Variants in DCC observed in about 807,000 individuals in gnomAD.
The protein encoded by DCC is netrin receptor DCC.
A neutral mutation model predicts 172.5 loss-of-function variants in DCC; 58 were observed. The ratio of observed to expected loss-of-function variants is 0.34; its 90% CI spans 0.27 to 0.42. The LOEUF (loss-of-function observed/expected upper bound fraction) is 0.42. Among genes scored for constraint, DCC ranks in the 10% least tolerant of loss-of-function variants. The pLI is 1.00. For missense variants in DCC, 1,740 were observed against 1,791.0 expected (o/e 0.97, Z 0.51); for synonymous variants, 709 against 644.5 (o/e 1.10, Z -1.52).
intron 27 of DCC, among the ~76,000 whole-genome samples, chr18:53,500,483 C>G (rs1054982405): frequency 6.6e-6 from 1 of 151,850 alleles, no homozygotes; most frequent in Non-Finnish European, 1.5e-5. Context: ...TTACTCAGAC[C>G]TACAATAATT....
chr18:52,775,232 T>A (rs1383635323), intron 2 of DCC, among the ~76,000 whole-genome samples: 2 of 151,546 alleles, frequency 1.3e-5, no homozygotes, highest in African/African-American at 4.9e-5. Flanking sequence ...TGCTCATGCT[T>A]CTAGGGGAGC....
intron 1 of DCC, among the ~76,000 whole-genome samples, chr18:52,428,094 C>A (rs1233354399): frequency 1.3e-5 from 2 of 151,972 alleles, no homozygotes; most frequent in Non-Finnish European, 2.9e-5. Context: ...TTTAAAAAAT[C>A]TTCTTGCATT....
intron 8 of DCC, among the ~76,000 whole-genome samples, chr18:53,167,621 G>A (rs1373398911): frequency 1.3e-5 from 2 of 152,056 alleles, no homozygotes; most frequent in Non-Finnish European, 2.9e-5. Context: ...AAAAAATTAT[G>A]AGCCCCAGCA....
At chr18:53,454,861 A>G (rs988426457) in intron 23 of DCC, among the ~76,000 whole-genome samples, 4 of 152,202 alleles carry the variant, frequency 2.6e-5, no homozygotes, top group African/African-American at 9.7e-5. Context: ...GATTTGAACT[A>G]TCAGCTACCT....
intron 5 of DCC, among the ~76,000 whole-genome samples, chr18:53,007,972 A>G (rs67902411): frequency 0.024 from 3,705 of 152,212 alleles, 65 homozygotes; most frequent in Admixed American, 0.039. Context: ...TTAAATAATC[A>G]CTTAAGCCAA....
intron 1 of DCC, among the ~76,000 whole-genome samples, chr18:52,489,178 C>T (rs2030374378): frequency 6.6e-6 from 1 of 152,010 alleles, no homozygotes. Flanking sequence ...GGAAGAGAAC[C>T]TGCATGTAAA....
intron 1 of DCC, among the ~76,000 whole-genome samples, chr18:52,667,576 A>G (rs2035478056): frequency 6.6e-6 from 1 of 152,188 alleles, no homozygotes; most frequent in African/African-American, 2.4e-5. Context: ...TTCAGGAAAT[A>G]AGAACAATTT....
At chr18:53,121,220 G>A (rs1015385997) in intron 7 of DCC, among the ~76,000 whole-genome samples, 3 of 151,744 alleles carry the variant, frequency 2.0e-5, no homozygotes, top group Non-Finnish European at 4.4e-5. Context: ...ATGGGACATT[G>A]GAAACAAAAG....
chr18:53,234,306 G>A (rs1333549657), intron 12 of DCC, among the ~76,000 whole-genome samples: 1 of 152,070 alleles, frequency 6.6e-6, no homozygotes, highest in African/African-American at 2.4e-5. Flanking sequence ...TTGGTCACCT[G>A]TAGTTCCAGC....
At chr18:52,434,684 G>C (rs1237323718) in intron 1 of DCC, among the ~76,000 whole-genome samples, 2 of 150,910 alleles carry the variant, frequency 1.3e-5, no homozygotes, top group Non-Finnish European at 2.9e-5. Context: ...ATAGTTTAGG[G>C]TACTTGGAAC....
At chr18:52,790,478 C>A (rs1026357802) in intron 2 of DCC, among the ~76,000 whole-genome samples, 4 of 152,152 alleles carry the variant, frequency 2.6e-5, no homozygotes, top group African/African-American at 9.7e-5. Flanking sequence ...TACCCTTTTG[C>A]TGGCATGTCA....
intron 2 of DCC, among the ~76,000 whole-genome samples, chr18:52,839,686 C>T (rs1433190301): frequency 2.6e-5 from 4 of 152,186 alleles, no homozygotes; most frequent in Admixed American, 6.5e-5. Flanking sequence ...CAAAATTTAA[C>T]ACATCTCCCT....
intron 8 of DCC, among the ~76,000 whole-genome samples, chr18:53,162,613 T>C (rs2054860712): frequency 6.6e-6 from 1 of 152,192 alleles, no homozygotes; most frequent in South Asian, 2.1e-4. Context: ...AGAATCTTCC[T>C]CTATTGAGAT....
At chr18:52,430,448 T>C (rs756749417) in intron 1 of DCC, among the ~76,000 whole-genome samples, 2 of 152,076 alleles carry the variant, frequency 1.3e-5, no homozygotes, top group African/African-American at 4.8e-5. Flanking sequence ...AAGAGTCAAG[T>C]GTGACTCGGA....
At chr18:52,867,073 A>G (rs2039240063) in intron 2 of DCC, among the ~76,000 whole-genome samples, 2 of 152,166 alleles carry the variant, frequency 1.3e-5, no homozygotes, top group Non-Finnish European at 2.9e-5. Context: ...TAGTTTATTG[A>G]GAGTTTTTAG....
intron 1 of DCC, among the ~76,000 whole-genome samples, chr18:52,442,986 A>G (rs2144499099): frequency 6.6e-6 from 1 of 151,804 alleles, no homozygotes; most frequent in African/African-American, 2.4e-5. Flanking sequence ...AGGGCCCAAG[A>G]TTCCTTAACT....
In DCC at chr18:53,336,731, C is replaced by T. The variant is rs573905192; in HGVS notation, c.2165-2982C>T. ...ATAAGTAGATAGATAAATACATTAG[C>T]TGGGCGTGGTGGCACATGCCTGTAG... On this transcript the variant is annotated intron_variant, in intron 14 of 28. Transcript: ENST00000442544. 3.7e-4 allele frequency among the ~76,000 whole-genome samples: 56 copies of T among 152,276 alleles called. 1 individual carries two copies. In the South Asian group the frequency reaches 0.011, roughly 29 times the overall value.
intron 5 of DCC, among the ~76,000 whole-genome samples, chr18:52,980,056 T>C (rs1374413244): frequency 6.6e-6 from 1 of 152,148 alleles, no homozygotes; most frequent in Non-Finnish European, 1.5e-5. Flanking sequence ...TTTAATTCAA[T>C]TATCTGCCCC....
At chr18:52,392,418 C>T (rs897314433) in intron 1 of DCC, among the ~76,000 whole-genome samples, 2 of 152,092 alleles carry the variant, frequency 1.3e-5, no homozygotes, top group African/African-American at 4.8e-5. Context: ...GATGACTGCA[C>T]ATAAGCTGTG....
Sources: gnomAD v4.1 joint callset for allele counts (sites outside exome capture counted in the v4.1 genomes callset) on GRCh38, gnomAD v4.1.1 for gene constraint, MANE v1.5 for transcripts, NCBI Gene and HGNC (gene_info 2026-07-23, HGNC 2026-07-21) for gene names.